Variants in SLC9A3 observed in about 807,000 individuals in gnomAD.
SLC9A3 encodes sodium/hydrogen exchanger 3.
Under a neutral mutation model 86.8 loss-of-function variants are expected in SLC9A3, and 37 were observed. The ratio of observed to expected loss-of-function variants is 0.43; its 90% CI spans 0.33 to 0.56. The LOEUF is 0.56. SLC9A3 is among the 20% of genes least tolerant of loss of function. The pLI is 0.06. For missense variants in SLC9A3, 1,011 were observed against 1,171.9 expected (o/e 0.86, Z 2.00); for synonymous variants, 581 against 528.3 (o/e 1.10, Z -1.37).
intron 16 of SLC9A3, among the ~76,000 whole-genome samples, chr5:474,112 G>A (rs1222953093): frequency 6.6e-6 from 1 of 151,090 alleles, no homozygotes; most frequent in Non-Finnish European, 1.5e-5. Flanking sequence ...GCCAGGTTCA[G>A]GTCCAGGGAG....
At position 472,730 on chromosome 5, in the gene SLC9A3, G is replaced by A. The variant is rs1208163288; in HGVS notation, c.*649C>T. On this transcript the variant is annotated 3_prime_UTR_variant, in exon 17 of 17. Transcript: ENST00000264938. ...CTGGAAACGGCGCTCGGCCCAGGCC[G>A]CTTGCGGGCGCTGGGCCTGCAGCCG... The A allele has an allele frequency of 7.0e-6, 4 of 571,772 alleles. No individual in the cohort carries two copies. The highest frequency in any genetic ancestry group is 1.9e-5 in the African/African-American group (1 of 53,036). 35.4% of individuals were successfully genotyped at this position (571,772 alleles called of 1,614,324 possible). A position where few individuals can be genotyped will look rare whatever the true frequency, so the allele number is the denominator to read the frequency against.
chr5:518,106 A>G (rs149543481), intron 1 of SLC9A3, among the ~76,000 whole-genome samples: 14 of 152,362 alleles, frequency 9.2e-5, no homozygotes, highest in Non-Finnish European at 1.6e-4. Flanking sequence ...CACAGGAGGA[A>G]TAAGACAGAC....
chr5:482,878 C>T (rs1358256617), intron 6 of SLC9A3, 128 bp from the exon 7 acceptor site: 23 of 712,908 alleles, frequency 3.2e-5, no homozygotes, highest in East Asian at 8.2e-5. Flanking sequence ...CTAGATACGG[C>T]GTCCCCACGC....
In SLC9A3 at chr5:476,305, C is replaced by T. The variant is rs377627891; in HGVS notation, c.1964G>A (p.Arg655Lys). The T allele has an allele frequency of 3.7e-6, 6 of 1,613,986 alleles. No individual in the cohort carries two copies. In the Admixed American group the frequency reaches 5.0e-5, roughly 13 times the overall value. Residue 655 changes from arginine to lysine, a missense_variant, in exon 13 of 17, where the codon AGG becomes AAG. This residue lies in a region of SLC9A3 where 397 missense variants were observed against 346.3 expected (regional missense o/e 1.15). Transcript: ENST00000264938. ...GGACTCCAGGCGCTTCCGCATGGTC[C>T]TGTGGAAGATTTCCCGGTCCTGTTT... is the stretch of plus-strand genomic sequence containing the variant. The part of the protein sequence containing the change: ...DEKQDREIFH[R>K]TMRKRLESFK...
At chr5:481,733 C>A (rs541635148) in intron 8 of SLC9A3, 98 bp from the exon 9 acceptor site, 53 of 1,031,976 alleles carry the variant, frequency 5.1e-5, no homozygotes, top group South Asian at 3.8e-4. Flanking sequence ...ACCCACCAGC[C>A]CCCCTCACCA....
At chr5:492,664 G>T (rs1026706905) in intron 1 of SLC9A3, among the ~76,000 whole-genome samples, 30 of 152,094 alleles carry the variant, frequency 2.0e-4, no homozygotes, top group Admixed American at 1.1e-3. Context: ...GTGGTCGGGG[G>T]GGGGCCTCTG....
At position 488,441 on chromosome 5, in the gene SLC9A3, A is replaced by G. The variant is rs911083980; in HGVS notation, c.550T>C (p.Phe184Leu). 2.5e-6 allele frequency: 4 copies of G among 1,594,090 alleles called. No homozygotes were observed. The highest frequency in any genetic ancestry group is 3.4e-6 in the Non-Finnish European group (4 of 1,167,908). ...TCCACAGCCGCCATGAGGCTGCCAA[A>G]CAGGAGGAAGTCCAGCAGCCCAATC... is the stretch of plus-strand genomic sequence containing the variant. ...LQIGLLDFLL[F>L]GSLMAAVDPV... Residue 184 changes from phenylalanine (F) to leucine (L), a missense_variant, in exon 3 of 17, where the codon TTT (phenylalanine) becomes CTT (leucine). Physicochemically the swap from Phe to Leu is conservative, Grantham distance 22. Transcript: ENST00000264938.
chr5:477,972 T>C (rs1276028056), intron 10 of SLC9A3: 1 of 153,256 alleles, frequency 6.5e-6, no homozygotes, highest in East Asian at 1.9e-4. Flanking sequence ...CTGGAGAGCA[T>C]GAGGTTGTGC....
At chr5:515,778 G>GC (rs1733712391) in intron 1 of SLC9A3, among the ~76,000 whole-genome samples, 1 of 4,878 alleles carries the variant, frequency 2.1e-4, no homozygotes, top group Non-Finnish European at 4.0e-4. Context: ...CACTCCCCCT[G>GC]CCCCTCACAC....
At chr5:473,847 A>T (rs1738542188) in intron 16 of SLC9A3, among the ~76,000 whole-genome samples, 1 of 152,158 alleles carries the variant, frequency 6.6e-6, no homozygotes. Context: ...CCCTCCCTGT[A>T]TCCCTGTGAG....
At chr5:483,761 C>G (rs1224477657) in intron 5 of SLC9A3, among the ~76,000 whole-genome samples, 1 of 152,280 alleles carries the variant, frequency 6.6e-6, no homozygotes, top group Admixed American at 6.5e-5. Flanking sequence ...CCCACCTGAC[C>G]TGTCTCAGGG....
At position 483,291 on chromosome 5, in the gene SLC9A3, A is replaced by G; in HGVS notation, c.1124T>C (p.Leu375Pro). ...TWNTAFVLLT[L>P]VFISVYRAIG... ...GGCCCGGTACACGGAGATGAAGACC[A>G]GCGTCAGGAGCACGAAGGCCGTGTT... The change falls in exon 6 of 17, where the codon CTG becomes CCG. Residue 375 changes from leucine to proline, a missense_variant. Leu to Pro is a moderately conservative substitution (Grantham distance 98, BLOSUM62 -3). Transcript: ENST00000264938. 6.4e-7 allele frequency: 1 copy of G among 1,554,082 alleles called. No individual in the cohort carries two copies. Among genetic ancestry groups the G allele is most frequent in the East Asian group, 2.4e-5 (1 of 41,106 alleles).
rs940847385 is a variant in SLC9A3 at position 472,593 on chromosome 5, C to T, written c.*786G>A. On this transcript the variant is annotated 3_prime_UTR_variant, in exon 17 of 17. Coordinates refer to ENST00000264938, the MANE Select transcript of SLC9A3 (RefSeq NM_004174.4). Reference sequence around the variant, plus strand: ...GAGACCGGGCGCGGGCAGGACGGAACCTGGGGGGGAAACGGGGCAGGTACT... The same window carrying T: ...GAGACCGGGCGCGGGCAGGACGGAATCTGGGGGGGAAACGGGGCAGGTACT... The T allele has an allele frequency of 3.7e-5, 14 of 383,096 alleles. No individual in the cohort carries two copies. Among genetic ancestry groups the T allele is most frequent in the Non-Finnish European group, 2.1e-5 (4 of 191,118 alleles). 23.7% of individuals were successfully genotyped at this position (383,096 alleles called of 1,614,324 possible). A position where few individuals can be genotyped will look rare whatever the true frequency, so the allele number is the denominator to read the frequency against.
intron 7 of SLC9A3, 43 bp downstream of exon 7, chr5:482,505 C>T (rs370112605): frequency 4.1e-5 from 62 of 1,522,136 alleles, no homozygotes; most frequent in South Asian, 4.6e-5. Flanking sequence ...GCTCCCCTCG[C>T]GGGCGGGGCC....
intron 1 of SLC9A3, 39 bp from the exon 2 acceptor site, chr5:492,110 G>C: frequency 7.8e-7 from 1 of 1,283,024 alleles, no homozygotes. Context: ...CGGGCTGTGA[G>C]GGAGGGGAGG....
rs1738794261 is a variant in SLC9A3 at position 477,108 on chromosome 5, G to C, written c.1760+224C>G. 1.5e-5 allele frequency: 8 copies of C among 524,762 alleles called. No homozygotes were observed. The East Asian group carries it at 2.5e-4, about 16-fold the overall frequency. 32.5% of individuals were successfully genotyped at this position (524,762 alleles called of 1,614,324 possible). ...GCAAACACGTCAGGCCTGGCCCCCA[G>C]TCCGCTGCTGCCCCTCCCTTTCACC... On this transcript the variant is annotated intron_variant, in intron 11 of 16. Coordinates refer to ENST00000264938, the MANE Select transcript of SLC9A3 (RefSeq NM_004174.4).
At chr5:489,971 C>T (rs9764991) in intron 2 of SLC9A3, among the ~76,000 whole-genome samples, 101,580 of 152,218 alleles carry the variant, frequency 0.67, 37,233 homozygotes, top group Non-Finnish European at 0.84. Context: ...CCACACTGCC[C>T]GGACAGCCCC....
chr5:504,742 G>A (rs998912740), intron 1 of SLC9A3, among the ~76,000 whole-genome samples: 1 of 152,218 alleles, frequency 6.6e-6, no homozygotes, highest in African/African-American at 2.4e-5. Context: ...GGGGGCTGAA[G>A]GGGAAGGGGT....
In SLC9A3 at chr5:515,263, G is replaced by A. The variant is rs373017248; in HGVS notation, c.211+8849C>T. Among the ~76,000 whole-genome samples, 28 of 152,116 alleles carry A rather than the reference G, an allele frequency of 1.8e-4. No homozygotes were observed. In the East Asian group the frequency reaches 4.6e-3, roughly 25 times the overall value. ...GCCAGGCCCATTCCCAGGATGTGCC[G>A]CTCCCCATTTGTGGAATTCCCACAG... On this transcript the variant is annotated intron_variant, in intron 1 of 16. Transcript: ENST00000264938.
Sources: gnomAD v4.1 joint callset for allele counts (sites outside exome capture counted in the v4.1 genomes callset) on GRCh38, gnomAD v4.1.1 for gene constraint, gnomAD v4.1.1 regional missense constraint, MANE v1.5 for transcripts, NCBI Gene and HGNC (gene_info 2026-07-23, HGNC 2026-07-21) for gene names.